Variants in ATG7 observed in about 807,000 individuals in gnomAD.
The protein encoded by ATG7 is ubiquitin-like modifier-activating enzyme ATG7.
ATG7 carries 70 observed loss-of-function variants against 82.4 expected under a neutral mutation model. The observed-to-expected ratio is 0.85, with a 90% CI of 0.70 to 1.04. The LOEUF (loss-of-function observed/expected upper bound fraction) is 1.04. Among genes scored for constraint, ATG7 ranks in the 50% least tolerant of loss-of-function variants. The pLI is 0.00. For synonymous variants in ATG7, 287 were observed against 313.0 expected (o/e 0.92, Z 0.88); for missense variants, 792 against 864.3 (o/e 0.92, Z 1.05).
chr3:11,537,471 A>T (rs1315836484), intron 20 of ATG7, among the ~76,000 whole-genome samples: 2 of 152,208 alleles, frequency 1.3e-5, no homozygotes, highest in African/African-American at 4.8e-5. Context: ...CACATGGGGT[A>T]CTGTAGGTGT....
intron 20 of ATG7, among the ~76,000 whole-genome samples, chr3:11,502,153 A>G (rs2091377454): frequency 6.6e-6 from 1 of 152,150 alleles, no homozygotes; most frequent in African/African-American, 2.4e-5. Context: ...TACAAACAAG[A>G]GCAACAAAAA....
chr3:11,437,000 A>G (rs1475165689), intron 20 of ATG7, among the ~76,000 whole-genome samples: 2 of 152,210 alleles, frequency 1.3e-5, no homozygotes, highest in African/African-American at 2.4e-5. Context: ...TGGTTGCACA[A>G]CGGTGATTAT....
chr3:11,358,338 G>T, intron 14 of ATG7, 80 bp from the exon 15 acceptor site: 1 of 1,401,118 alleles, frequency 7.1e-7, no homozygotes. Context: ...AGTAAGTGCA[G>T]GCAGCTGTGG....
intron 19 of ATG7, among the ~76,000 whole-genome samples, chr3:11,419,347 G>C (rs532015948): frequency 6.6e-6 from 1 of 152,222 alleles, no homozygotes; most frequent in African/African-American, 2.4e-5. Flanking sequence ...GAGGCCAGGA[G>C]TTCTGAGACG....
intron 18 of ATG7, among the ~76,000 whole-genome samples, chr3:11,372,050 C>T (rs761627163): frequency 4.0e-5 from 6 of 151,378 alleles, no homozygotes; most frequent in South Asian, 2.1e-4. Context: ...GTTTTCATTC[C>T]CCACGGTGAG....
chr3:11,534,316 G>A (rs1238158096), intron 20 of ATG7, among the ~76,000 whole-genome samples: 1 of 152,272 alleles, frequency 6.6e-6, no homozygotes, highest in Non-Finnish European at 1.5e-5. Context: ...GTTCTGCAAA[G>A]GCATCTATAT....
intron 20 of ATG7, among the ~76,000 whole-genome samples, chr3:11,433,269 G>GC (rs1415287118): frequency 1.5e-5 from 2 of 131,388 alleles, no homozygotes; most frequent in Non-Finnish European, 3.1e-5. Flanking sequence ...GGGTGACAGA[G>GC]CAAGACCCTG....
At chr3:11,423,671 A>G (rs1431416089) in intron 19 of ATG7, among the ~76,000 whole-genome samples, 1 of 151,814 alleles carries the variant, frequency 6.6e-6, no homozygotes, top group Non-Finnish European at 1.5e-5. Flanking sequence ...ATGGCTAATC[A>G]GCCTGGGCTT....
intron 19 of ATG7, among the ~76,000 whole-genome samples, chr3:11,419,651 AG>A (rs763492269): frequency 1.6e-4 from 25 of 152,232 alleles, no homozygotes; most frequent in Non-Finnish European, 3.4e-4. Context: ...ACTCTGTGAA[AG>A]GCATTTTCCA....
chr3:11,565,179 A>G, the ATG7 span, among the ~76,000 whole-genome samples: 3 of 152,140 alleles, frequency 2.0e-5, no homozygotes, highest in Non-Finnish European at 4.4e-5. The surrounding 1 kb of genome is among the most constrained non-coding windows in gnomAD (Gnocchi z 4.1). Flanking sequence ...AGCCCGGGTC[A>G]GCCGGACACC....
Position 11,555,486 on chromosome 3 carries a change from T to A in ATG7, c.*643T>A, listed in dbSNP as rs908428473. 6.6e-6 allele frequency: 1 copy of A among 152,654 alleles called. No homozygotes were observed. Among genetic ancestry groups the A allele is most frequent in the Non-Finnish European group, 1.5e-5 (1 of 68,530 alleles). The allele number at this position is 152,654 out of a possible 1,614,324, so 9.5% of individuals were successfully genotyped here. A position where few individuals can be genotyped will look rare whatever the true frequency, so the allele number is the denominator to read the frequency against. On this transcript the variant is annotated 3_prime_UTR_variant, in exon 21 of 21. Transcript: ENST00000693202. ...CCCAGCCTGTCCTCCACTGTGGGCATAGCATCTGTGCCTGCCTGCCTGCTT... is the reference window on the plus strand; with the variant it reads ...CCCAGCCTGTCCTCCACTGTGGGCAAAGCATCTGTGCCTGCCTGCCTGCTT...
Position 11,446,513 on chromosome 3 carries a change from A to G in ATG7, c.2079+19587A>G, listed in dbSNP as rs180806500. 246 of 447,764 alleles carry G rather than the reference A, an allele frequency of 5.5e-4. 1 individual carries two copies. Among genetic ancestry groups the G allele is most frequent in the Non-Finnish European group, 2.2e-4 (49 of 223,958 alleles). The allele number at this position is 447,764 out of a possible 1,614,324, so 27.7% of individuals were successfully genotyped here. On this transcript the variant is annotated intron_variant, in intron 20 of 20. Coordinates refer to ENST00000693202, the MANE Select transcript of ATG7 (RefSeq NM_001349232.2). The stretch of plus-strand genomic sequence containing the variant: ...TTGTATCTGGTTTACTTTTAGCACT[A>G]AGAAGATTTTCTTACATTGATACCT...
At chr3:11,297,914 G>A (rs543389288) in intron 3 of ATG7, among the ~76,000 whole-genome samples, 4 of 152,266 alleles carry the variant, frequency 2.6e-5, no homozygotes, top group South Asian at 2.1e-4. Context: ...TAACAGTAGT[G>A]CATCAGTCAG....
intron 1 of ATG7, among the ~76,000 whole-genome samples, chr3:11,275,318 A>T (rs1941482908): frequency 6.7e-6 from 1 of 150,094 alleles, no homozygotes; most frequent in Admixed American, 6.6e-5. Context: ...CATGGAAATG[A>T]CGTTCGCTAA....
chr3:11,460,819 G>A (rs934820577), intron 20 of ATG7, among the ~76,000 whole-genome samples: 11 of 152,202 alleles, frequency 7.2e-5, no homozygotes, highest in African/African-American at 2.4e-4. Flanking sequence ...TCTATGCCTG[G>A]TAAGGGCAGA....
intron 18 of ATG7, among the ~76,000 whole-genome samples, chr3:11,372,325 G>A (rs768219034): frequency 4.0e-5 from 6 of 150,778 alleles, no homozygotes; most frequent in African/African-American, 9.8e-5. Flanking sequence ...TTTTCTAGAC[G>A]TTTCTATGGA....
chr3:11,458,896 G>A lies in ATG7; in HGVS notation c.2079+31970G>A, dbSNP rs529301173. Among the ~76,000 whole-genome samples, 40 of 152,260 alleles carry A rather than the reference G, an allele frequency of 2.6e-4. No individual in the cohort carries two copies. The South Asian group carries it at 7.7e-3, about 29-fold the overall frequency. ...GTGCTCTGCCTCCTGTCAGATCAGC[G>A]GAGCATTAGATTCTCATAGGGGCGG... On this transcript the variant is annotated intron_variant, in intron 20 of 20. Coordinates refer to ENST00000693202, the MANE Select transcript of ATG7 (RefSeq NM_001349232.2).
intron 18 of ATG7, among the ~76,000 whole-genome samples, chr3:11,375,860 A>G (rs1262463875): frequency 6.6e-6 from 1 of 152,158 alleles, no homozygotes; most frequent in African/African-American, 2.4e-5. Context: ...CCTGGCCAAG[A>G]TTTTAATATG....
intron 5 of ATG7, among the ~76,000 whole-genome samples, chr3:11,302,472 A>G (rs1946938609): frequency 6.6e-6 from 1 of 152,216 alleles, no homozygotes; most frequent in Non-Finnish European, 1.5e-5. Context: ...GAATTTATTT[A>G]TCAAAGAAGG....
Sources: gnomAD v4.1 joint callset for allele counts (sites outside exome capture counted in the v4.1 genomes callset) on GRCh38, gnomAD v4.1.1 for gene constraint, Gnocchi (gnomAD v3.1) non-coding constraint, MANE v1.5 for transcripts, NCBI Gene and HGNC (gene_info 2026-07-23, HGNC 2026-07-21) for gene names.